Variants in GCC2 observed in about 807,000 individuals in gnomAD.
GCC2 encodes the protein GRIP and coiled-coil domain-containing protein 2.
In GCC2, 120 loss-of-function variants were observed where a neutral mutation model predicts 210.6. That is an observed-to-expected ratio of 0.57 (90% CI 0.49 to 0.66). The LOEUF (loss-of-function observed/expected upper bound fraction) is 0.66. Among genes scored for constraint, GCC2 ranks in the 30% least tolerant of loss-of-function variants. The probability of loss-of-function intolerance (pLI) is 0.00; values close to 1 mark genes in which losing one functional copy is unlikely to be tolerated. For missense variants in GCC2, 1,868 were observed against 1,871.9 expected (o/e 1.00, Z 0.04); for synonymous variants, 703 against 652.7 (o/e 1.08, Z -1.17).
chr2:108,463,906 A>G (rs1017700609), intron 4 of GCC2, among the ~76,000 whole-genome samples: 4 of 152,162 alleles, frequency 2.6e-5, no homozygotes, highest in African/African-American at 9.7e-5. Flanking sequence ...TGGTGGTAGC[A>G]GCAGGTTAAG....
chr2:108,487,354 C>G (rs185835766), intron 16 of GCC2, among the ~76,000 whole-genome samples: 166 of 152,124 alleles, frequency 1.1e-3, no homozygotes, highest in Non-Finnish European at 2.0e-3. Context: ...TATTGAGAGG[C>G]CTTTAAAAAG....
intron 9 of GCC2, among the ~76,000 whole-genome samples, chr2:108,479,620 G>A (rs1449989007): frequency 1.3e-5 from 2 of 151,358 alleles, no homozygotes; most frequent in African/African-American, 2.4e-5. Context: ...CAGCCTGGGC[G>A]ACAGAGCAAG....
chr2:108,498,532 T>A (rs1682762925), intron 21 of GCC2, among the ~76,000 whole-genome samples: 1 of 152,296 alleles, frequency 6.6e-6, no homozygotes, highest in African/African-American at 2.4e-5. Flanking sequence ...CTCTTCATGA[T>A]TTCTTAGTCT....
intron 4 of GCC2, among the ~76,000 whole-genome samples, chr2:108,453,886 G>A (rs895763342): frequency 4.6e-5 from 7 of 151,396 alleles, no homozygotes; most frequent in African/African-American, 1.7e-4. Flanking sequence ...TTCATTGCCC[G>A]CCTTAGGCCA....
chr2:108,454,425 T>G (rs1028616750), intron 4 of GCC2, among the ~76,000 whole-genome samples: 1 of 152,256 alleles, frequency 6.6e-6, no homozygotes, highest in Non-Finnish European at 1.5e-5. Flanking sequence ...TTGTTCTTTA[T>G]TTAGTTACAG....
chr2:108,472,797 T>A, intron 6 of GCC2, 30 bp from the exon 7 acceptor site: 2 of 1,307,354 alleles, frequency 1.5e-6, no homozygotes, highest in South Asian at 1.3e-5. Flanking sequence ...TTGTTTTGTT[T>A]TGTGTTTTTT....
At position 108,507,620 on chromosome 2, in the gene GCC2, G is replaced by A. The variant is rs1683267625; in HGVS notation, c.5045G>A (p.Gly1682Glu). The A allele has an allele frequency of 6.3e-7, 1 of 1,588,182 alleles. No individual in the cohort carries two copies. The highest frequency in any genetic ancestry group is 1.3e-5 in the African/African-American group (1 of 74,096). ...GCATCCTATCTTCATAGTTGGTCTG[G>A]ACTTCGATAGGTTGATGGAAGGAAT... ...GWASYLHSWS[G>E]LR is the part of the protein sequence containing the mutation. The change falls in exon 23 of 23, where the codon GGA (glycine) becomes GAA (glutamate). Residue 1682 changes from glycine to glutamate, a missense_variant. Transcript: ENST00000309863.
At chr2:108,455,107 T>C (rs1378089510) in intron 4 of GCC2, among the ~76,000 whole-genome samples, 2 of 152,146 alleles carry the variant, frequency 1.3e-5, no homozygotes, top group African/African-American at 2.4e-5. Flanking sequence ...CACTCATCAA[T>C]GTATTCTCCC....
intron 4 of GCC2, among the ~76,000 whole-genome samples, chr2:108,452,691 C>CT (rs34444254): frequency 0.031 from 3,051 of 99,300 alleles, 180 homozygotes; most frequent in African/African-American, 0.11. Context: ...TTTTTTCTTT[C>CT]TTTTTTTTTT....
chr2:108,482,601 A>G (rs1681917399), intron 11 of GCC2, 150 bp downstream of exon 11: 3 of 532,342 alleles, frequency 5.6e-6, no homozygotes, highest in Admixed American at 3.7e-5. Context: ...TTGAGAATCC[A>G]TGCTGTGATT....
intron 4 of GCC2, among the ~76,000 whole-genome samples, chr2:108,457,587 T>G (rs2718723): frequency 0.19 from 28,816 of 152,048 alleles, 3,081 homozygotes; most frequent in African/African-American, 0.27. Context: ...AGTATGATCA[T>G]TTCAACAATA....
chr2:108,483,741 G>A (rs1681991240), intron 12 of GCC2, among the ~76,000 whole-genome samples: 1 of 152,142 alleles, frequency 6.6e-6, no homozygotes. Context: ...GACACATTAA[G>A]ATTTAATTAA....
At chr2:108,464,610 G>A (rs2577611) in intron 4 of GCC2, among the ~76,000 whole-genome samples, 2 of 152,008 alleles carry the variant, frequency 1.3e-5, no homozygotes, top group Admixed American at 6.5e-5. Flanking sequence ...CTGAGCATTG[G>A]GGAATTTCTC....
chr2:108,502,552 G>A (rs951427349), intron 22 of GCC2, among the ~76,000 whole-genome samples: 1 of 152,174 alleles, frequency 6.6e-6, no homozygotes, highest in African/African-American at 2.4e-5. Context: ...TTATCAATGT[G>A]AGTACATAAA....
Position 108,509,280 on chromosome 2 carries a change from T to C in GCC2, c.*1650T>C, listed in dbSNP as rs1683369078. 1.3e-5 allele frequency: 2 copies of C among 152,658 alleles called. No homozygotes were observed. The highest frequency in any genetic ancestry group is 2.1e-4 in the South Asian group (1 of 4,836). The allele number at this position is 152,658 out of a possible 1,614,324, so 9.5% of individuals were successfully genotyped here. A position where few individuals can be genotyped will look rare whatever the true frequency, so the allele number is the denominator to read the frequency against. The stretch of plus-strand genomic sequence containing the variant: ...TCTGCTTACGAATGTCATAACAAAA[T>C]AATTTTTTGCATGATAAAAAATTAC... On this transcript the variant is annotated 3_prime_UTR_variant, in exon 23 of 23. Coordinates refer to ENST00000309863, the MANE Select transcript of GCC2 (RefSeq NM_181453.4).
chr2:108,474,026 C>T (rs893476120), intron 7 of GCC2, among the ~76,000 whole-genome samples: 6 of 151,222 alleles, frequency 4.0e-5, no homozygotes, highest in African/African-American at 1.2e-4. Context: ...GGCGTTGTGG[C>T]GGGCGCTTGT....
intron 21 of GCC2, among the ~76,000 whole-genome samples, chr2:108,497,329 G>T (rs1348090071): frequency 2.0e-5 from 3 of 152,124 alleles, no homozygotes; most frequent in Non-Finnish European, 4.4e-5. Context: ...TGTTAGCCAG[G>T]ATGGTCTCGA....
At chr2:108,476,984 C>T (rs370200603) in intron 9 of GCC2, among the ~76,000 whole-genome samples, 53 of 152,078 alleles carry the variant, frequency 3.5e-4, no homozygotes, top group South Asian at 1.9e-3. Flanking sequence ...AGTTTTGGCA[C>T]TTAATGAAGA....
At position 108,471,387 on chromosome 2, in the gene GCC2, A is replaced by T. The variant is rs369088854; in HGVS notation, c.2058A>T (p.Glu686Asp). ...LSEDKEVLSAEVKSLYEENNK... is the reference protein window; with the variant it reads ...LSEDKEVLSADVKSLYEENNK... ...AAGACAAAGAAGTATTGTCAGCTGA[A>T]GTGAAGTCTCTTTATGAGGAAAACA... Residue 686 changes from glutamate (E) to aspartate (D), a missense_variant, in exon 6 of 23, where the codon GAA becomes GAT. Physicochemically the swap from Glu to Asp is conservative, Grantham distance 45. This residue lies in a region of GCC2 where 1,847 missense variants were observed against 1,765.2 expected (regional missense o/e 1.05). Coordinates refer to ENST00000309863, the MANE Select transcript of GCC2 (RefSeq NM_181453.4). The T allele has an allele frequency of 8.1e-6, 13 of 1,608,144 alleles. No individual in the cohort carries two copies. The highest frequency in any genetic ancestry group is 9.3e-6 in the Non-Finnish European group (11 of 1,178,510).
Sources: gnomAD v4.1 joint callset for allele counts (sites outside exome capture counted in the v4.1 genomes callset) on GRCh38, gnomAD v4.1.1 for gene constraint, gnomAD v4.1.1 regional missense constraint, MANE v1.5 for transcripts, NCBI Gene and HGNC (gene_info 2026-07-23, HGNC 2026-07-21) for gene names.